ARHGAP12: variants seen among roughly 807,000 people sequenced by gnomAD.
ARHGAP12 encodes the protein rho GTPase-activating protein 12.
In ARHGAP12, 64 loss-of-function variants were observed where a neutral mutation model predicts 108.6. That is an observed-to-expected ratio of 0.59 (90% CI 0.48 to 0.73). ARHGAP12 has a LOEUF of 0.73. Among genes scored for constraint, ARHGAP12 ranks in the 30% least tolerant of loss-of-function variants. ARHGAP12 has a pLI of 0.00. For missense variants in ARHGAP12, 940 were observed against 1,005.9 expected, an observed-to-expected ratio of 0.93 and a Z score of 0.89; for synonymous variants, 312 against 337.2, an observed-to-expected ratio of 0.93 and a Z score of 0.82.
intron 9 of ARHGAP12, among the ~76,000 whole-genome samples, chr10:31,835,213 AAAAAG>A (rs1303905252): frequency 4.7e-5 from 7 of 150,358 alleles, no homozygotes; most frequent in African/African-American, 1.7e-4. Flanking sequence ...AAAAAAAAAA[AAAAAG>A]AAAAAAATTT....
intron 3 of ARHGAP12, among the ~76,000 whole-genome samples, chr10:31,888,034 TATA>T (rs1480986578): frequency 6.6e-6 from 1 of 152,134 alleles, no homozygotes; most frequent in Non-Finnish European, 1.5e-5. Context: ...AGTGGTGAAC[TATA>T]ATAAGTTTGG....
chr10:31,807,615 G>C lies in ARHGAP12; in HGVS notation c.*43C>G. On this transcript the variant is annotated 3_prime_UTR_variant, in exon 20 of 20. Coordinates refer to ENST00000344936, the MANE Select transcript of ARHGAP12 (RefSeq NM_018287.7). ...CATTGTGTATAAACATTTGAAATCTGATGGAATCCAGCTTCTATTCCACAG... is the reference window on the plus strand; with the variant it reads ...CATTGTGTATAAACATTTGAAATCTCATGGAATCCAGCTTCTATTCCACAG... 1 of 1,541,860 alleles carries C rather than the reference G, an allele frequency of 6.5e-7. No homozygotes were observed. The highest frequency in any genetic ancestry group is 2.2e-5 in the Admixed American group (1 of 46,354).
chr10:31,888,398 TAAGGA>T (rs1242004161), intron 3 of ARHGAP12, among the ~76,000 whole-genome samples: 2 of 152,076 alleles, frequency 1.3e-5, no homozygotes, highest in African/African-American at 4.8e-5. Flanking sequence ...CAATTAGAAC[TAAGGA>T]AAGAAAAAAT....
At chr10:31,839,862 G>A in intron 7 of ARHGAP12, 151 bp from the exon 8 acceptor site, 1 of 495,352 alleles carries the variant, frequency 2.0e-6, no homozygotes, top group South Asian at 4.2e-5. Context: ...ATAAGGTAAT[G>A]ATTTTAAAAC....
chr10:31,850,154 T>G (rs1220338089), intron 6 of ARHGAP12, among the ~76,000 whole-genome samples: 1 of 152,170 alleles, frequency 6.6e-6, no homozygotes, highest in East Asian at 1.9e-4. Flanking sequence ...AAAACTCAAC[T>G]GGTATTTGAG....
At chr10:31,887,660 TG>T (rs369346081) in intron 3 of ARHGAP12, among the ~76,000 whole-genome samples, 221 of 123,246 alleles carry the variant, frequency 1.8e-3, no homozygotes, top group Admixed American at 4.1e-3. Flanking sequence ...GTTTTTTTTT[TG>T]TTTTTTTTTT....
At chr10:31,847,978 T>C (rs147678417) in intron 6 of ARHGAP12, among the ~76,000 whole-genome samples, 6 of 152,292 alleles carry the variant, frequency 3.9e-5, no homozygotes, top group Non-Finnish European at 5.9e-5. Context: ...GGCTAAAAAC[T>C]GTCTGATCTA....
chr10:31,862,663 C>T (rs977616182), intron 3 of ARHGAP12, among the ~76,000 whole-genome samples: 3 of 151,732 alleles, frequency 2.0e-5, no homozygotes, highest in South Asian at 4.2e-4. Flanking sequence ...ATCAGCTTCC[C>T]TGACCTCTAA....
At chr10:31,819,295 C>A (rs1315139384) in intron 12 of ARHGAP12, among the ~76,000 whole-genome samples, 1 of 152,118 alleles carries the variant, frequency 6.6e-6, no homozygotes, top group Admixed American at 6.5e-5. Context: ...ACCAGAAAAC[C>A]TGGGCTCCAC....
chr10:31,835,134 G>A (rs904759969), intron 9 of ARHGAP12, among the ~76,000 whole-genome samples: 3 of 151,310 alleles, frequency 2.0e-5, no homozygotes, highest in Non-Finnish European at 4.4e-5. Context: ...GGAGGCGGAG[G>A]TTGCAGTGAG....
At chr10:31,898,587 G>A (rs1272732909) in intron 3 of ARHGAP12, among the ~76,000 whole-genome samples, 2 of 152,160 alleles carry the variant, frequency 1.3e-5, no homozygotes, top group Admixed American at 6.6e-5. Context: ...GCTGAATAAC[G>A]TTTCAGTAAT....
chr10:31,811,846 AGAGAGG>A (rs928509305), intron 15 of ARHGAP12, among the ~76,000 whole-genome samples: 3 of 151,830 alleles, frequency 2.0e-5, no homozygotes, highest in Non-Finnish European at 4.4e-5. Context: ...TTCTTTGTAG[AGAGAGG>A]GTCTCTCTAT....
Position 31,839,641 on chromosome 10 carries a change from T to A in ARHGAP12, c.1367A>T (p.Asp456Val), listed in dbSNP as rs1375654045. ...ATATGCTTCTATCATACTAACTGTA[T>A]CTTGGTGCTTTGGTGAGGAGGGAGA... ...ESSPSSPKHQ[D>V]TASSPKDQEK... The change falls in exon 8 of 20, where the codon GAT becomes GTT. Residue 456 changes from aspartate (D) to valine (V), a missense_variant. Coordinates refer to ENST00000344936, the MANE Select transcript of ARHGAP12 (RefSeq NM_018287.7). 5 of 1,603,782 alleles carry A rather than the reference T, an allele frequency of 3.1e-6. No individual in the cohort carries two copies. In the East Asian group the frequency reaches 1.1e-4, roughly 36 times the overall value.
intron 3 of ARHGAP12, among the ~76,000 whole-genome samples, chr10:31,907,555 G>A (rs1839185383): frequency 6.6e-6 from 1 of 151,128 alleles, no homozygotes; most frequent in Non-Finnish European, 1.5e-5. Flanking sequence ...GATCACTTGA[G>A]CCCAGGAGGT....
chr10:31,839,127 C>A (rs1031560860), intron 9 of ARHGAP12, among the ~76,000 whole-genome samples, 178 bp downstream of exon 9: 17 of 152,146 alleles, frequency 1.1e-4, no homozygotes, highest in Admixed American at 5.9e-4. Flanking sequence ...AGTAAAATTT[C>A]ATCAGAGTTA....
At chr10:31,822,251 C>T (rs146116382) in intron 11 of ARHGAP12, among the ~76,000 whole-genome samples, 10 of 152,276 alleles carry the variant, frequency 6.6e-5, no homozygotes, top group Non-Finnish European at 1.3e-4. Flanking sequence ...ACAGTGACAG[C>T]TGAAACAGGA....
intron 3 of ARHGAP12, among the ~76,000 whole-genome samples, chr10:31,901,314 T>C (rs1322753368): frequency 1.3e-5 from 2 of 151,610 alleles, no homozygotes; most frequent in African/African-American, 2.4e-5. Flanking sequence ...GGAGGATCAC[T>C]TGAGGTCAGG....
At position 31,928,677 on chromosome 10, in the gene ARHGAP12, C is replaced by T. The variant is rs1445304335; in HGVS notation, c.-111+6G>A. 2.0e-5 allele frequency: 3 copies of T among 152,450 alleles called. No individual in the cohort carries two copies. The highest frequency in any genetic ancestry group is 4.4e-5 in the Non-Finnish European group (3 of 68,160). 9.4% of individuals were successfully genotyped at this position (152,450 alleles called of 1,614,324 possible). A position where few individuals can be genotyped will look rare whatever the true frequency, so the allele number is the denominator to read the frequency against. On this transcript the variant is annotated splice_donor_region_variant and intron_variant, in intron 1 of 19. Coordinates refer to ENST00000344936, the MANE Select transcript of ARHGAP12 (RefSeq NM_018287.7). ...CGTCCGCCAGGACCCGCGCCCTGCA[C>T]CTCACCGGGAGCCCGGCGGCCTCGC...
chr10:31,847,400 T>C (rs565420660), intron 6 of ARHGAP12, among the ~76,000 whole-genome samples: 1 of 152,342 alleles, frequency 6.6e-6, no homozygotes, highest in East Asian at 1.9e-4. Context: ...GTCAATTTCA[T>C]TTTAAAAATC....
Sources: allele counts gnomAD v4.1 joint callset (sites outside exome capture counted in the v4.1 genomes callset), GRCh38; gene constraint gnomAD v4.1.1; transcripts MANE v1.5; gene names NCBI Gene and HGNC (gene_info 2026-07-23, HGNC 2026-07-21).